HTR1E: variants seen among roughly 807,000 people sequenced by gnomAD.
HTR1E encodes 5-hydroxytryptamine receptor 1E.
In HTR1E, 3 loss-of-function variants were observed where a neutral mutation model predicts 3.4. The ratio of observed to expected loss-of-function variants is 0.89; its 90% CI spans 0.41 to 2.31. The LOEUF (loss-of-function observed/expected upper bound fraction) is 2.31, where lower values mean the gene tolerates loss of function less well. Among genes scored for constraint, HTR1E ranks in the 30% most tolerant of loss-of-function variants. HTR1E has a pLI of 0.05. For missense variants in HTR1E, 392 were observed against 467.0 expected (o/e 0.84, Z 1.48); for synonymous variants, 170 against 182.8 (o/e 0.93, Z 0.56).
chr6:86,998,860 A>G (rs1767978931), intron 1 of HTR1E, among the ~76,000 whole-genome samples: 1 of 152,184 alleles, frequency 6.6e-6, no homozygotes, highest in Non-Finnish European at 1.5e-5. Context: ...TGAAATTACC[A>G]AGATTAAGAA....
chr6:86,962,105 A>C (rs886821792), intron 1 of HTR1E, among the ~76,000 whole-genome samples: 1 of 152,216 alleles, frequency 6.6e-6, no homozygotes, highest in Non-Finnish European at 1.5e-5. Flanking sequence ...CATGGTAAAA[A>C]AGGAAGGGAA....
chr6:87,009,131 G>A (rs1768162290), intron 1 of HTR1E, among the ~76,000 whole-genome samples: 1 of 150,484 alleles, frequency 6.6e-6, no homozygotes, highest in Non-Finnish European at 1.5e-5. Context: ...CAGGGTCATG[G>A]GACAATAGTG....
rs537317750 is a variant in HTR1E at position 86,994,533 on chromosome 6, T to C, written c.-185-20617T>C. Among the ~76,000 whole-genome samples, 186 of 152,076 alleles carry C rather than the reference T, an allele frequency of 1.2e-3. 1 individual carries two copies. The highest frequency in any genetic ancestry group is 4.2e-3 in the African/African-American group (173 of 41,486). ...CCCAGAATTCTACATGCAAAGAAAA[T>C]ATCCTTCACTAATGAAGGATTCAAT... is the stretch of plus-strand genomic sequence containing the variant. On this transcript the variant is annotated intron_variant, in intron 1 of 1. Coordinates refer to ENST00000305344, the MANE Select transcript of HTR1E (RefSeq NM_000865.3).
intron 1 of HTR1E, among the ~76,000 whole-genome samples, chr6:86,973,864 A>G (rs566435081): frequency 6.6e-6 from 1 of 152,284 alleles, no homozygotes; most frequent in Non-Finnish European, 1.5e-5. Flanking sequence ...AAGCCGCAAT[A>G]AACTGCCTTG....
intron 1 of HTR1E, among the ~76,000 whole-genome samples, chr6:87,007,030 T>A (rs1262005394): frequency 6.6e-6 from 1 of 152,120 alleles, no homozygotes; most frequent in South Asian, 2.1e-4. Flanking sequence ...ATGGCACACG[T>A]TTACCTATGT....
chr6:87,004,010 G>A (rs1768066647), intron 1 of HTR1E, among the ~76,000 whole-genome samples: 2 of 152,120 alleles, frequency 1.3e-5, no homozygotes, highest in Admixed American at 1.3e-4. Context: ...AAACCTAGAA[G>A]AAATTGATAA....
chr6:86,943,746 C>T (rs1295311538), intron 1 of HTR1E, among the ~76,000 whole-genome samples: 4 of 152,100 alleles, frequency 2.6e-5, no homozygotes, highest in Non-Finnish European at 5.9e-5. Flanking sequence ...TTGGGGCTCA[C>T]ATAACAGTAC....
intron 1 of HTR1E, among the ~76,000 whole-genome samples, chr6:86,998,402 T>C (rs1026704019): frequency 5.3e-5 from 8 of 152,052 alleles, no homozygotes; most frequent in Non-Finnish European, 1.0e-4. Context: ...CTGAGTACAA[T>C]AGAACTAAAA....
Position 87,015,913 on chromosome 6 carries a change from C to A in HTR1E, c.579C>A (p.Ile193=). Residue 193 remains isoleucine (I), a synonymous_variant, in exon 2 of 2, where the codon ATC becomes ATA. Coordinates refer to ENST00000305344, the MANE Select transcript of HTR1E (RefSeq NM_000865.3). ...TIYSTLGAFY[I]PLTLILILYY... is the part of the protein sequence containing the mutation. The stretch of plus-strand genomic sequence containing the variant: ...ACTCCACGCTGGGTGCGTTTTATAT[C>A]CCCTTGACTTTGATACTGATTCTCT... The A allele has an allele frequency of 6.2e-7, 1 of 1,613,450 alleles. No individual in the cohort carries two copies. Among genetic ancestry groups the A allele is most frequent in the Non-Finnish European group, 8.5e-7 (1 of 1,179,552 alleles).
intron 1 of HTR1E, among the ~76,000 whole-genome samples, chr6:86,957,032 T>C (rs191247136): frequency 1.1e-4 from 17 of 152,352 alleles, no homozygotes; most frequent in Admixed American, 9.1e-4. Context: ...CATGTTAACC[T>C]TGTCGTTTAG....
chr6:87,016,441 A>C lies in HTR1E; in HGVS notation c.*9A>C. ...GCCGAGAGCATACTTAGACTGTAAA[A>C]AGCTAAAAGGCACGACTTTTTCCAG... On this transcript the variant is annotated 3_prime_UTR_variant, in exon 2 of 2. Coordinates refer to ENST00000305344, the MANE Select transcript of HTR1E (RefSeq NM_000865.3). 2 of 1,571,454 alleles carry C rather than the reference A, an allele frequency of 1.3e-6. No homozygotes were observed. Among genetic ancestry groups the C allele is most frequent in the Non-Finnish European group, 1.7e-6 (2 of 1,156,388 alleles).
chr6:86,951,748 G>A (rs979815707), intron 1 of HTR1E, among the ~76,000 whole-genome samples: 3 of 152,094 alleles, frequency 2.0e-5, no homozygotes, highest in Non-Finnish European at 4.4e-5. Flanking sequence ...AAATATATAT[G>A]TCTATTGAAA....
At chr6:86,954,488 C>A (rs767538960) in intron 1 of HTR1E, among the ~76,000 whole-genome samples, 3 of 152,128 alleles carry the variant, frequency 2.0e-5, no homozygotes, top group Admixed American at 6.6e-5. Flanking sequence ...ATTTGATTGT[C>A]CCAGATTTGG....
chr6:87,016,611 C>G lies in HTR1E; in HGVS notation c.*179C>G. The G allele has an allele frequency of 1.9e-6, 1 of 524,848 alleles. No homozygotes were observed. Among genetic ancestry groups the G allele is most frequent in the Non-Finnish European group, 3.3e-6 (1 of 303,700 alleles). The allele number at this position is 524,848 out of a possible 1,614,324, so 32.5% of individuals were successfully genotyped here. A position where few individuals can be genotyped will look rare whatever the true frequency, so the allele number is the denominator to read the frequency against. On this transcript the variant is annotated 3_prime_UTR_variant, in exon 2 of 2. Coordinates refer to ENST00000305344, the MANE Select transcript of HTR1E (RefSeq NM_000865.3). Reference sequence around the variant, plus strand: ...GTTTTGTTTGAGGATTGTTATTTGGCGTGCTGTTTTCTACCTCTGGTCTTA... The same window carrying G: ...GTTTTGTTTGAGGATTGTTATTTGGGGTGCTGTTTTCTACCTCTGGTCTTA...
intron 1 of HTR1E, chr6:86,970,387 G>T (rs1458448754): frequency 6.6e-6 from 1 of 152,186 alleles, no homozygotes; most frequent in Non-Finnish European, 1.5e-5. Flanking sequence ...TTGCTCACCT[G>T]TAAAATGGCA....
chr6:86,974,545 C>A (rs9344658), intron 1 of HTR1E, among the ~76,000 whole-genome samples: 7,860 of 152,224 alleles, frequency 0.052, 280 homozygotes, highest in East Asian at 0.095. Flanking sequence ...TATGCACCTT[C>A]AGTAGAAATA....
intron 1 of HTR1E, among the ~76,000 whole-genome samples, chr6:86,950,660 CAAAAATA>C (rs1767225628): frequency 6.6e-6 from 1 of 152,136 alleles, no homozygotes; most frequent in Non-Finnish European, 1.5e-5. Flanking sequence ...AATAAGCACT[CAAAAATA>C]ATAAGACCTG....
intron 1 of HTR1E, among the ~76,000 whole-genome samples, chr6:87,006,292 C>T (rs1768107211): frequency 6.6e-6 from 1 of 152,272 alleles, no homozygotes; most frequent in East Asian, 1.9e-4. Context: ...ATGTTTATTG[C>T]AGCACAATTA....
chr6:86,955,297 A>C (rs1265087248), intron 1 of HTR1E, among the ~76,000 whole-genome samples: 1 of 152,218 alleles, frequency 6.6e-6, no homozygotes. Flanking sequence ...TGTCACTGCT[A>C]TTCTGTATGT....
Sources: gnomAD v4.1 joint callset for allele counts (sites outside exome capture counted in the v4.1 genomes callset) on GRCh38, gnomAD v4.1.1 for gene constraint, MANE v1.5 for transcripts, NCBI Gene and HGNC (gene_info 2026-07-23, HGNC 2026-07-21) for gene names.